The following ADGRD1 variants were observed in gnomAD, a reference collection of about 807,000 sequenced individuals.
ADGRD1 encodes the protein adhesion G protein-coupled receptor D1, also known as G-protein coupled receptor 133.
Under a neutral mutation model 113.4 loss-of-function variants are expected in ADGRD1, and 77 were observed. That is an observed-to-expected ratio of 0.68 (90% CI 0.57 to 0.82). ADGRD1 has a LOEUF of 0.82. ADGRD1 is among the 40% of genes least tolerant of loss of function. The pLI is 0.00. For synonymous variants in ADGRD1, 474 were observed against 475.0 expected (o/e 1.00, Z 0.03); for missense variants, 1,036 against 1,139.1 (o/e 0.91, Z 1.30).
At chr12:130,990,833 G>C (rs570216864) in intron 6 of ADGRD1, 181 bp from the exon 7 acceptor site, 6 of 529,538 alleles carry the variant, frequency 1.1e-5, no homozygotes. Flanking sequence ...AAATCTATAC[G>C]GTCGACTCAG....
chr12:131,053,112 G>A (rs1883549723), intron 13 of ADGRD1, among the ~76,000 whole-genome samples: 1 of 152,198 alleles, frequency 6.6e-6, no homozygotes. Flanking sequence ...TCGGGGCACT[G>A]GGACCTCCCA....
At chr12:130,975,282 C>G (rs76596700) in intron 4 of ADGRD1, among the ~76,000 whole-genome samples, 5,921 of 152,264 alleles carry the variant, frequency 0.039, 178 homozygotes, top group African/African-American at 0.073. Flanking sequence ...TTTCTTCCCA[C>G]AACTTGCACG....
intron 13 of ADGRD1, among the ~76,000 whole-genome samples, chr12:131,052,904 A>G (rs1239870511): frequency 6.6e-6 from 1 of 152,174 alleles, no homozygotes; most frequent in African/African-American, 2.4e-5. Context: ...CCAGTCCCAC[A>G]TCTCTGCTTG....
At chr12:131,021,849 G>A (rs1879363091) in intron 13 of ADGRD1, among the ~76,000 whole-genome samples, 1 of 152,150 alleles carries the variant, frequency 6.6e-6, no homozygotes, top group Admixed American at 6.5e-5. Flanking sequence ...TGGGACCTCA[G>A]ACATGCATCA....
At chr12:131,070,893 G>A (rs1318481929) in intron 13 of ADGRD1, 2 of 518,944 alleles carry the variant, frequency 3.9e-6, no homozygotes, top group African/African-American at 1.9e-5. Context: ...AGAGTCGGGT[G>A]AGTCTGCCAT....
At chr12:131,091,601 G>A (rs1365149226) in intron 15 of ADGRD1, among the ~76,000 whole-genome samples, 1 of 152,244 alleles carries the variant, frequency 6.6e-6, no homozygotes, top group African/African-American at 2.4e-5. Context: ...TCCCCTATGC[G>A]TGGGTGTGTT....
At chr12:131,006,156 C>T (rs956839438) in intron 12 of ADGRD1, 109 bp downstream of exon 12, 39 of 963,480 alleles carry the variant, frequency 4.0e-5, no homozygotes, top group South Asian at 2.4e-4. Flanking sequence ...ACTCTGGACA[C>T]GAGTACCGGG....
intron 13 of ADGRD1, among the ~76,000 whole-genome samples, chr12:131,042,445 T>C (rs1305308509): frequency 2.0e-5 from 3 of 152,164 alleles, no homozygotes; most frequent in Admixed American, 1.3e-4. Context: ...CAGTAAATAT[T>C]TGTTGAATGA....
intron 20 of ADGRD1, among the ~76,000 whole-genome samples, chr12:131,123,059 T>TG (rs1950640941): frequency 7.5e-6 from 1 of 133,480 alleles, no homozygotes. Context: ...TTTTTTTTTT[T>TG]TTTTTTTTTT....
At chr12:131,108,640 A>T (rs1408792638) in intron 17 of ADGRD1, 84 bp from the exon 18 acceptor site, 1 of 1,585,200 alleles carries the variant, frequency 6.3e-7, no homozygotes, top group African/African-American at 1.3e-5. Context: ...CACCCAGGAC[A>T]TGGATACTGG....
rs375221336 is a variant in ADGRD1 at position 131,096,514 on chromosome 12, G to A, written c.1672-8317G>A. 1.3e-5 allele frequency among the ~76,000 whole-genome samples: 2 copies of A among 152,178 alleles called. No individual in the cohort carries two copies. Among genetic ancestry groups the A allele is most frequent in the Non-Finnish European group, 1.5e-5 (1 of 68,030 alleles). The stretch of plus-strand genomic sequence containing the variant: ...GTGTTAACCACTGCATAGCTCTCCC[G>A]CGGGTGGACACTGAAGTCATGGTGG... On this transcript the variant is annotated intron_variant, in intron 15 of 24. Transcript: ENST00000261654. The surrounding 1 kb of genome is among the most constrained non-coding windows in gnomAD (Gnocchi z 5.2).
At chr12:131,133,590 T>C (rs941089) in intron 21 of ADGRD1, among the ~76,000 whole-genome samples, 54,961 of 152,116 alleles carry the variant, frequency 0.36, 10,271 homozygotes, top group South Asian at 0.51. Context: ...ATGCGTCCCT[T>C]CCGGGGAGGT....
intron 14 of ADGRD1, among the ~76,000 whole-genome samples, chr12:131,080,554 A>AAG: frequency 6.6e-6 from 1 of 152,334 alleles, no homozygotes; most frequent in Non-Finnish European, 1.5e-5. Context: ...CTGTCAATTA[A>AAG]AGAGAGAGGA....
At chr12:131,086,583 T>G (rs557923810) in intron 15 of ADGRD1, among the ~76,000 whole-genome samples, 2 of 152,372 alleles carry the variant, frequency 1.3e-5, no homozygotes, top group African/African-American at 4.8e-5. Flanking sequence ...CTTGTAATGC[T>G]GCTGGGGCAG....
At chr12:131,087,401 G>A (rs1194242575) in intron 15 of ADGRD1, among the ~76,000 whole-genome samples, 3 of 152,198 alleles carry the variant, frequency 2.0e-5, no homozygotes, top group Admixed American at 6.5e-5. Flanking sequence ...GAGATGAAAT[G>A]TCAGGTGACA....
intron 13 of ADGRD1, among the ~76,000 whole-genome samples, chr12:131,059,293 C>G (rs748493291): frequency 6.6e-6 from 1 of 152,160 alleles, no homozygotes; most frequent in Non-Finnish European, 1.5e-5. Context: ...CGTGCCTCAG[C>G]CTCCTGAGTA....
At chr12:131,015,491 G>A (rs536700822) in intron 13 of ADGRD1, among the ~76,000 whole-genome samples, 1 of 151,934 alleles carries the variant, frequency 6.6e-6, no homozygotes, top group Admixed American at 6.5e-5. Context: ...AAATGGAGAT[G>A]GAGAGGGGAC....
chr12:130,963,209 A>C (rs1201583078), intron 2 of ADGRD1, among the ~76,000 whole-genome samples: 1 of 151,136 alleles, frequency 6.6e-6, no homozygotes, highest in Non-Finnish European at 1.5e-5. Context: ...AGTCCCAGCT[A>C]CTTGGGAAGC....
intron 15 of ADGRD1, among the ~76,000 whole-genome samples, chr12:131,087,888 CGGT>C (rs1886601811): frequency 6.6e-6 from 1 of 152,210 alleles, no homozygotes; most frequent in Non-Finnish European, 1.5e-5. Flanking sequence ...CACCAGAGGG[CGGT>C]GAACGTAGAA....
Sources: allele counts gnomAD v4.1 joint callset (sites outside exome capture counted in the v4.1 genomes callset), GRCh38; gene constraint gnomAD v4.1.1; non-coding constraint Gnocchi (gnomAD v3.1); transcripts MANE v1.5; gene names NCBI Gene and HGNC (gene_info 2026-07-23, HGNC 2026-07-21).